EYA1: variants seen among roughly 807,000 people sequenced by gnomAD.
EYA1 encodes protein phosphatase EYA1.
EYA1 carries 16 observed loss-of-function variants against 82.0 expected under a neutral mutation model. That is an observed-to-expected ratio of 0.20 (90% CI 0.13 to 0.30). The LOEUF is 0.30. Among genes scored for constraint, EYA1 ranks in the 10% least tolerant of loss-of-function variants. The pLI is 1.00. For synonymous variants in EYA1, 261 were observed against 264.4 expected, an observed-to-expected ratio of 0.99 and a Z score of 0.12; for missense variants, 633 against 730.7, an observed-to-expected ratio of 0.87 and a Z score of 1.54.
intron 1 of EYA1, among the ~76,000 whole-genome samples, chr8:71,358,746 C>T (rs2129074834): frequency 6.6e-6 from 1 of 152,236 alleles, no homozygotes; most frequent in South Asian, 2.1e-4. Context: ...ACACCTATTT[C>T]TGATTGCTGT....
chr8:71,351,317 A>C (rs956559076), intron 3 of EYA1, among the ~76,000 whole-genome samples: 6 of 152,198 alleles, frequency 3.9e-5, no homozygotes, highest in Admixed American at 3.3e-4. Flanking sequence ...TTTAATAGTA[A>C]CAAAAATATG....
At chr8:71,479,182 C>G (rs925737497) in intron 2 of EYA1, among the ~76,000 whole-genome samples, 1 of 152,142 alleles carries the variant, frequency 6.6e-6, no homozygotes, top group Non-Finnish European at 1.5e-5. Flanking sequence ...GATTAGTCTA[C>G]CAATGCACTC....
At chr8:71,233,588 A>AT (rs1239589731) in intron 12 of EYA1, among the ~76,000 whole-genome samples, 5 of 151,910 alleles carry the variant, frequency 3.3e-5, no homozygotes, top group Non-Finnish European at 7.4e-5. Flanking sequence ...AAGAAAAAAA[A>AT]GAAAGCCTTT....
chr8:71,238,452 GAGAA>G (rs1402165846), intron 12 of EYA1, among the ~76,000 whole-genome samples: 4 of 152,164 alleles, frequency 2.6e-5, no homozygotes, highest in East Asian at 1.9e-4. Context: ...TTACAAAAAT[GAGAA>G]AGAAAGACAT....
At chr8:71,253,148 G>A (rs774201336) in intron 11 of EYA1, among the ~76,000 whole-genome samples, 16 of 152,210 alleles carry the variant, frequency 1.1e-4, no homozygotes, top group African/African-American at 3.1e-4. Flanking sequence ...TGGTCAAGTC[G>A]AAGGATAAAT....
At chr8:71,434,252 C>T (rs1364706183) in intron 2 of EYA1, among the ~76,000 whole-genome samples, 3 of 152,182 alleles carry the variant, frequency 2.0e-5, no homozygotes, top group Non-Finnish European at 4.4e-5. Flanking sequence ...TGAGAAATGA[C>T]ATGTTTCAGT....
intron 9 of EYA1, among the ~76,000 whole-genome samples, chr8:71,294,176 C>T (rs550450124): frequency 6.6e-6 from 1 of 152,028 alleles, no homozygotes; most frequent in Non-Finnish European, 1.5e-5. Context: ...TAAAAACACA[C>T]CGGCCGGGCG....
At chr8:71,469,961 G>A (rs948496265) in intron 2 of EYA1, among the ~76,000 whole-genome samples, 3 of 152,028 alleles carry the variant, frequency 2.0e-5, no homozygotes, top group Admixed American at 1.3e-4. Flanking sequence ...TTCCCCTTCT[G>A]GAGGTTCAGT....
At chr8:71,341,888 A>G (rs1426842595) in intron 3 of EYA1, among the ~76,000 whole-genome samples, 1 of 152,218 alleles carries the variant, frequency 6.6e-6, no homozygotes, top group Non-Finnish European at 1.5e-5. Flanking sequence ...CTATTCATGG[A>G]AAGTACAGCA....
At chr8:71,353,497 A>C (rs1826515868) in intron 3 of EYA1, among the ~76,000 whole-genome samples, 1 of 152,230 alleles carries the variant, frequency 6.6e-6, no homozygotes, top group South Asian at 2.1e-4. Context: ...GCAAAATTTC[A>C]ATTTTTGATA....
chr8:71,532,424 G>A (rs1246378036), intron 2 of EYA1, among the ~76,000 whole-genome samples: 3 of 152,130 alleles, frequency 2.0e-5, no homozygotes, highest in Non-Finnish European at 4.4e-5. Context: ...GACATGAAGA[G>A]GCATCGCCAC....
At chr8:71,546,571 G>T (rs186518444) in intron 1 of EYA1, among the ~76,000 whole-genome samples, 3 of 151,210 alleles carry the variant, frequency 2.0e-5, no homozygotes, top group Non-Finnish European at 4.4e-5. Flanking sequence ...CGCAATCTCG[G>T]CTCACTGCAA....
chr8:71,366,308 A>AT (rs1431940553), upstream of EYA1, among the ~76,000 whole-genome samples: 1 of 152,156 alleles, frequency 6.6e-6, no homozygotes, highest in African/African-American at 2.4e-5. Context: ...AAATCAACTG[A>AT]TTTTCCAAAA....
intron 3 of EYA1, among the ~76,000 whole-genome samples, chr8:71,336,927 T>C (rs897163444): frequency 6.6e-6 from 1 of 152,210 alleles, no homozygotes; most frequent in African/African-American, 2.4e-5. Context: ...AAATAGTTTC[T>C]GAATGAAAGC....
At chr8:71,546,908 T>G (rs1374845717) in intron 1 of EYA1, among the ~76,000 whole-genome samples, 4 of 152,230 alleles carry the variant, frequency 2.6e-5, no homozygotes, top group Admixed American at 2.0e-4. Flanking sequence ...ATGATTTACC[T>G]ACCTAGCATT....
At chr8:71,274,516 A>C (rs1816901286) in intron 9 of EYA1, among the ~76,000 whole-genome samples, 1 of 152,180 alleles carries the variant, frequency 6.6e-6, no homozygotes, top group African/African-American at 2.4e-5. Context: ...TTTGGAGGGC[A>C]TTCATTGATT....
intron 2 of EYA1, among the ~76,000 whole-genome samples, chr8:71,434,313 A>C (rs1428976289): frequency 2.0e-5 from 3 of 152,196 alleles, no homozygotes; most frequent in Non-Finnish European, 4.4e-5. Flanking sequence ...TCCTTCATAA[A>C]TGCAATGGTG....
At chr8:71,216,342 C>G (rs1809190064) in intron 14 of EYA1, among the ~76,000 whole-genome samples, 1 of 152,040 alleles carries the variant, frequency 6.6e-6, no homozygotes, top group African/African-American at 2.4e-5. Context: ...AAGTATTTAC[C>G]CTGTAGGAGG....
At chr8:71,226,143 A>G (rs940359356) in intron 12 of EYA1, among the ~76,000 whole-genome samples, 2 of 152,178 alleles carry the variant, frequency 1.3e-5, no homozygotes, top group African/African-American at 4.8e-5. Context: ...ATTTGAGATC[A>G]CTAAGTAAAG....
Sources: gnomAD v4.1 joint callset for allele counts (sites outside exome capture counted in the v4.1 genomes callset) on GRCh38, gnomAD v4.1.1 for gene constraint, MANE v1.5 for transcripts, NCBI Gene and HGNC (gene_info 2026-07-23, HGNC 2026-07-21) for gene names.